The following RARB variants were observed in gnomAD, a reference collection of about 807,000 sequenced individuals.
RARB encodes the protein retinoic acid receptor beta.
A neutral mutation model predicts 51.9 loss-of-function variants in RARB; 17 were observed. The ratio of observed to expected loss-of-function variants is 0.33; its 90% CI spans 0.22 to 0.49. RARB has a LOEUF of 0.49. RARB is among the 20% of genes least tolerant of loss of function. The pLI is 0.99. For missense variants in RARB, 369 were observed against 550.8 expected, an observed-to-expected ratio of 0.67 and a Z score of 3.30; for synonymous variants, 215 against 195.4, an observed-to-expected ratio of 1.10 and a Z score of -0.84.
intron 5 of RARB, among the ~76,000 whole-genome samples, chr3:25,365,206 T>C (rs1315912923): frequency 3.8e-5 from 5 of 130,180 alleles, no homozygotes; most frequent in Admixed American, 1.5e-4. Context: ...TTTCTTTTTT[T>C]TTTTTTTTTT....
rs17016132 is a variant in RARB, at chr3:25,271,271, G to C, written c.178+96696G>C. ...TGTAAGATGGGGTGGCTGCAGGCTT[G>C]CATTTGCACAGGCATGCTATGGTTT... On this transcript the variant is annotated intron_variant, in intron 5 of 11. Coordinates refer to the RARB transcript ENST00000383772. Among the ~76,000 whole-genome samples, 1,459 of 152,294 alleles carry C rather than the reference G, an allele frequency of 9.6e-3. 26 individuals are homozygous for C. Among genetic ancestry groups the C allele is most frequent in the African/African-American group, 0.033 (1,392 of 41,562 alleles).
At chr3:25,575,239 A>G (rs1442715215) in intron 4 of RARB, among the ~76,000 whole-genome samples, 3 of 152,152 alleles carry the variant, frequency 2.0e-5, no homozygotes, top group Admixed American at 6.5e-5. Context: ...AGTTCTGGCG[A>G]TAACGCTCGC....
intron 5 of RARB, among the ~76,000 whole-genome samples, chr3:25,217,503 C>G (rs1015928469): frequency 2.0e-5 from 3 of 152,012 alleles, no homozygotes; most frequent in African/African-American, 4.8e-5. Context: ...CCCACCCCCC[C>G]CAATTCTGAT....
chr3:25,461,131 A>C (rs1695156698), intron 1 of RARB, 62 bp from the exon 2 acceptor site: 1 of 1,491,374 alleles, frequency 6.7e-7, no homozygotes. Flanking sequence ...TCACTGTTGA[A>C]AAAAGTAATG....
Position 25,454,957 on chromosome 3 carries a change from A to T in RARB, c.158-6236A>T, listed in dbSNP as rs560515130. On this transcript the variant is annotated intron_variant, in intron 1 of 7. Transcript: ENST00000330688. ...AATGAATCAACCCAAGAGCTGTGGC[A>T]GTGTTTAAGAAAGCTTCGTCAGTGG... 2.6e-5 allele frequency among the ~76,000 whole-genome samples: 4 copies of T among 152,354 alleles called. No homozygotes were observed. In the South Asian group the frequency reaches 8.3e-4, roughly 32 times the overall value.
At chr3:25,535,799 G>T (rs913846447) in intron 3 of RARB, among the ~76,000 whole-genome samples, 32 of 152,162 alleles carry the variant, frequency 2.1e-4, no homozygotes, top group African/African-American at 7.7e-4. Flanking sequence ...TCATTAAGTT[G>T]CTGGGCAAAT....
At chr3:25,210,576 C>G (rs1230499039) in intron 5 of RARB, among the ~76,000 whole-genome samples, 1 of 98,192 alleles carries the variant, frequency 1.0e-5, no homozygotes, top group African/African-American at 3.6e-5. Flanking sequence ...CACTCTGTTG[C>G]CCAGGCAAGA....
chr3:25,355,846 A>G (rs1484930103), intron 5 of RARB, among the ~76,000 whole-genome samples: 1 of 152,152 alleles, frequency 6.6e-6, no homozygotes, highest in African/African-American at 2.4e-5. Context: ...CAGAACATAG[A>G]AAATAATTTT....
chr3:25,032,155 C>G (rs766724427), intron 2 of RARB, among the ~76,000 whole-genome samples: 2 of 152,164 alleles, frequency 1.3e-5, no homozygotes, highest in Non-Finnish European at 2.9e-5. Context: ...TTGTTTCCCT[C>G]TGCTACTATA....
chr3:25,154,861 G>A (rs374178079), intron 4 of RARB, among the ~76,000 whole-genome samples: 6 of 152,268 alleles, frequency 3.9e-5, no homozygotes, highest in Non-Finnish European at 7.3e-5. Flanking sequence ...TGAGCATGGC[G>A]CCAACCCTAA....
chr3:25,253,299 G>T (rs1006624584), intron 5 of RARB, among the ~76,000 whole-genome samples: 3 of 152,044 alleles, frequency 2.0e-5, no homozygotes, highest in Non-Finnish European at 4.4e-5. Context: ...TCCGTATTTT[G>T]CCTATCTTAA....
chr3:25,145,885 C>T (rs1297301468), intron 4 of RARB, among the ~76,000 whole-genome samples: 2 of 151,956 alleles, frequency 1.3e-5, no homozygotes, highest in African/African-American at 2.4e-5. Context: ...GCCTATAATC[C>T]CAGCTACTTG....
chr3:25,299,682 T>C (rs928469638), intron 5 of RARB, among the ~76,000 whole-genome samples: 14 of 152,230 alleles, frequency 9.2e-5, no homozygotes, highest in African/African-American at 3.4e-4. Flanking sequence ...TAATCCAATA[T>C]GTTTTATTTT....
intron 2 of RARB, among the ~76,000 whole-genome samples, chr3:25,054,717 G>A (rs559957596): frequency 6.9e-5 from 10 of 144,796 alleles, no homozygotes; most frequent in African/African-American, 2.5e-4. Flanking sequence ...ACAAACTGTG[G>A]AGCACAAACT....
chr3:25,246,296 A>G (rs1436774373), intron 5 of RARB, among the ~76,000 whole-genome samples: 1 of 151,996 alleles, frequency 6.6e-6, no homozygotes, highest in Non-Finnish European at 1.5e-5. Context: ...GTTTGTTATT[A>G]CCCATCTTCT....
chr3:25,400,027 G>A (rs887629517), intron 5 of RARB, among the ~76,000 whole-genome samples: 4 of 152,154 alleles, frequency 2.6e-5, no homozygotes, highest in Non-Finnish European at 4.4e-5. Context: ...AGTTAATGAG[G>A]TAATATATAT....
chr3:25,321,156 T>C (rs1704558494), intron 5 of RARB, among the ~76,000 whole-genome samples: 1 of 151,944 alleles, frequency 6.6e-6, no homozygotes, highest in Non-Finnish European at 1.5e-5. Flanking sequence ...ACCATCAGGG[T>C]TTTCCAGTAC....
At chr3:25,177,572 A>G (rs1402142708) in intron 5 of RARB, among the ~76,000 whole-genome samples, 1 of 152,240 alleles carries the variant, frequency 6.6e-6, no homozygotes, top group African/African-American at 2.4e-5. Flanking sequence ...AGGGTCTGTC[A>G]GCACCAAGTA....
intron 5 of RARB, among the ~76,000 whole-genome samples, chr3:25,185,566 T>C (rs1700955993): frequency 6.6e-6 from 1 of 152,162 alleles, no homozygotes; most frequent in South Asian, 2.1e-4. Flanking sequence ...AATAGTGCTT[T>C]AATGATAACC....
Sources: allele counts gnomAD v4.1 joint callset (sites outside exome capture counted in the v4.1 genomes callset), GRCh38; gene constraint gnomAD v4.1.1; transcripts MANE v1.5; gene names NCBI Gene and HGNC (gene_info 2026-07-23, HGNC 2026-07-21).